Variants in GABRA1 observed in about 807,000 individuals in gnomAD.
GABRA1 encodes gamma-aminobutyric acid receptor subunit alpha-1.
GABRA1 carries 9 observed loss-of-function variants against 48.9 expected under a neutral mutation model. The ratio of observed to expected loss-of-function variants is 0.18; its 90% CI spans 0.11 to 0.32. The LOEUF (loss-of-function observed/expected upper bound fraction) is 0.32, where lower values mean the gene tolerates loss of function less well. GABRA1 is among the 10% of genes least tolerant of loss of function. The probability of loss-of-function intolerance (pLI) is 1.00; values close to 1 mark genes in which losing one functional copy is unlikely to be tolerated. For synonymous variants in GABRA1, 210 were observed against 198.7 expected (o/e 1.06, Z -0.48); for missense variants, 285 against 553.8 (o/e 0.51, Z 4.87).
At chr5:161,869,453 C>T (rs1754014398) in intron 4 of GABRA1, among the ~76,000 whole-genome samples, 1 of 152,158 alleles carries the variant, frequency 6.6e-6, no homozygotes, top group African/African-American at 2.4e-5. Context: ...CTGACTTCAT[C>T]TGGAATAGCA....
At chr5:161,884,002 C>T (rs1754730314) in intron 7 of GABRA1, among the ~76,000 whole-genome samples, 1 of 151,942 alleles carries the variant, frequency 6.6e-6, no homozygotes, top group Admixed American at 6.6e-5. Context: ...GATCTTGTCG[C>T]TTAGAAGCTT....
At chr5:161,887,202 C>T (rs1025106757) in intron 7 of GABRA1, among the ~76,000 whole-genome samples, 3 of 152,028 alleles carry the variant, frequency 2.0e-5, no homozygotes, top group Non-Finnish European at 4.4e-5. Context: ...ATTGTTAATC[C>T]TTAAAAGAGA....
At chr5:161,879,098 T>C (rs1175648823) in intron 6 of GABRA1, among the ~76,000 whole-genome samples, 1 of 152,166 alleles carries the variant, frequency 6.6e-6, no homozygotes, top group Non-Finnish European at 1.5e-5. Context: ...AACCTTCTTG[T>C]CTTTTTTATT....
At chr5:161,858,028 G>C (rs1043977093) in intron 3 of GABRA1, among the ~76,000 whole-genome samples, 1 of 151,200 alleles carries the variant, frequency 6.6e-6, no homozygotes, top group South Asian at 2.1e-4. Flanking sequence ...AAAATAAAGA[G>C]AGAACAGAGG....
At chr5:161,863,680 G>T (rs1242352057) in intron 3 of GABRA1, among the ~76,000 whole-genome samples, 1 of 151,988 alleles carries the variant, frequency 6.6e-6, no homozygotes, top group East Asian at 1.9e-4. Context: ...TATGTGGATG[G>T]TGGCATTCCA....
intron 7 of GABRA1, among the ~76,000 whole-genome samples, chr5:161,889,074 G>C (rs1581213278): frequency 6.6e-6 from 1 of 151,946 alleles, no homozygotes; most frequent in African/African-American, 2.4e-5. Flanking sequence ...ATATATACAA[G>C]AGATATAAAG....
intron 3 of GABRA1, among the ~76,000 whole-genome samples, chr5:161,857,356 C>T (rs1342130840): frequency 6.6e-6 from 1 of 151,388 alleles, no homozygotes; most frequent in African/African-American, 2.4e-5. Context: ...TTTGCAAATC[C>T]ATCATGACCT....
At chr5:161,891,171 G>C (rs1755071911) in intron 8 of GABRA1, 121 bp downstream of exon 8, 3 of 974,914 alleles carry the variant, frequency 3.1e-6, no homozygotes, top group Non-Finnish European at 4.8e-6. Context: ...TCATATAACA[G>C]AAAGTTTCAA....
intron 2 of GABRA1, 117 bp from the exon 3 acceptor site, chr5:161,854,041 T>G: frequency 1.9e-6 from 1 of 538,960 alleles, no homozygotes; most frequent in South Asian, 3.0e-5. Flanking sequence ...AAAAATAATT[T>G]TCAAGTTAAG....
chr5:161,896,787 G>A (rs896069700), intron 9 of GABRA1, among the ~76,000 whole-genome samples: 29 of 152,232 alleles, frequency 1.9e-4, no homozygotes, highest in African/African-American at 7.0e-4. Context: ...TATTAAAGGG[G>A]CTAAGAAATT....
At chr5:161,882,431 G>C in intron 6 of GABRA1, 127 bp from the exon 7 acceptor site, 1 of 877,440 alleles carries the variant, frequency 1.1e-6, no homozygotes, top group East Asian at 2.6e-5. Context: ...AGGGACATAA[G>C]CTCATCTTTC....
chr5:161,859,019 G>A (rs1757753802), intron 3 of GABRA1, among the ~76,000 whole-genome samples: 1 of 151,674 alleles, frequency 6.6e-6, no homozygotes, highest in African/African-American at 2.4e-5. Context: ...GTAGAGAATG[G>A]CCTACCTTTA....
chr5:161,875,490 A>G, intron 5 of GABRA1, 70 bp from the exon 6 acceptor site: 1 of 1,207,038 alleles, frequency 8.3e-7, no homozygotes, highest in Non-Finnish European at 1.2e-6. Flanking sequence ...AGTTAATAAC[A>G]TTCCACTTGT....
At chr5:161,896,613 G>T (rs1195434368) in intron 9 of GABRA1, among the ~76,000 whole-genome samples, 3 of 152,164 alleles carry the variant, frequency 2.0e-5, no homozygotes, top group Admixed American at 1.3e-4. Flanking sequence ...GAGACAAAGA[G>T]ATTTTAAGAT....
At position 161,898,414 on chromosome 5, in the gene GABRA1, A is replaced by G. The variant is rs1755470662; in HGVS notation, c.*992A>G. On this transcript the variant is annotated 3_prime_UTR_variant, in exon 10 of 10. Coordinates refer to ENST00000393943, the MANE Select transcript of GABRA1 (RefSeq NM_001127644.2). The stretch of plus-strand genomic sequence containing the variant: ...TAGCAAACAAAAATAGAATATATAA[A>G]CGATATATGTAAATATACAGCATGA... The G allele has an allele frequency of 6.6e-6, 1 of 152,582 alleles. No homozygotes were observed. The highest frequency in any genetic ancestry group is 6.5e-5 in the Admixed American group (1 of 15,268). The allele number at this position is 152,582 out of a possible 1,614,324, so 9.5% of individuals were successfully genotyped here.
At chr5:161,850,952 G>A in intron 2 of GABRA1, 68 bp downstream of exon 2, 1 of 1,324,746 alleles carries the variant, frequency 7.5e-7, no homozygotes, top group Non-Finnish European at 1.1e-6. Context: ...ATCGGGGGAA[G>A]AAAATTGTCC....
At chr5:161,888,911 A>G (rs776323659) in intron 7 of GABRA1, among the ~76,000 whole-genome samples, 6 of 151,998 alleles carry the variant, frequency 3.9e-5, no homozygotes, top group Non-Finnish European at 4.4e-5. Context: ...CAGTGCATCC[A>G]TTTTCACTAT....
At chr5:161,894,648 A>G (rs2113460513) in intron 8 of GABRA1, among the ~76,000 whole-genome samples, 1 of 152,314 alleles carries the variant, frequency 6.6e-6, no homozygotes, top group East Asian at 1.9e-4. Flanking sequence ...TGAATGGGTA[A>G]CTGTGACTGT....
chr5:161,847,410 AGGT>A (rs2113276957), upstream of GABRA1: 1 of 152,328 alleles, frequency 6.6e-6, no homozygotes, highest in South Asian at 2.1e-4. Flanking sequence ...CACAATTCAG[AGGT>A]AACAGCGCCT....
Sources: gnomAD v4.1 joint callset for allele counts (sites outside exome capture counted in the v4.1 genomes callset) on GRCh38, gnomAD v4.1.1 for gene constraint, MANE v1.5 for transcripts, NCBI Gene and HGNC (gene_info 2026-07-23, HGNC 2026-07-21) for gene names.